MFSD11: variants seen among roughly 807,000 people sequenced by gnomAD.
The protein encoded by MFSD11 is major facilitator superfamily domain containing 11.
MFSD11 carries 36 observed loss-of-function variants against 53.5 expected under a neutral mutation model. The ratio of observed to expected loss-of-function variants is 0.67; its 90% CI spans 0.52 to 0.89. The LOEUF is 0.89. MFSD11 is among the 40% of genes least tolerant of loss of function. The probability of loss-of-function intolerance (pLI) is 0.00; values close to 1 mark genes in which losing one functional copy is unlikely to be tolerated. For missense variants in MFSD11, 530 were observed against 543.9 expected (o/e 0.97, Z 0.25); for synonymous variants, 186 against 184.9 (o/e 1.01, Z -0.05).
chr17:76,801,863 T>C, the MFSD11 span, among the ~76,000 whole-genome samples: 1 of 152,136 alleles, frequency 6.6e-6, no homozygotes, highest in Non-Finnish European at 1.5e-5. Flanking sequence ...CCTGCTGACC[T>C]CCTGTCTCAT....
intron 11 of MFSD11, among the ~76,000 whole-genome samples, chr17:76,775,415 C>T (rs566161761): frequency 3.3e-5 from 5 of 152,222 alleles, no homozygotes; most frequent in African/African-American, 1.2e-4. Context: ...CTTGAAGGAG[C>T]ACGTAAGTAT....
intron 1 of MFSD11, 111 bp from the exon 2 acceptor site, chr17:76,738,827 A>T: frequency 1.2e-6 from 1 of 806,974 alleles, no homozygotes; most frequent in Non-Finnish European, 2.1e-6. Flanking sequence ...AGTATTAAGT[A>T]CATTATGAAC....
At chr17:76,790,727 G>A in the MFSD11 span, among the ~76,000 whole-genome samples, 1 of 147,556 alleles carries the variant, frequency 6.8e-6, no homozygotes, top group Non-Finnish European at 1.5e-5. Context: ...GGATCACGAG[G>A]TCAAGAGGTC....
chr17:76,782,376 T>C (rs1053626949), downstream of MFSD11, among the ~76,000 whole-genome samples: 1 of 151,798 alleles, frequency 6.6e-6, no homozygotes, highest in Non-Finnish European at 1.5e-5. Context: ...GGTTTCCTCA[T>C]GTTGGTCAGG....
chr17:76,792,621 G>A, the MFSD11 span, among the ~76,000 whole-genome samples: 14 of 151,360 alleles, frequency 9.2e-5, no homozygotes, highest in Non-Finnish European at 1.9e-4. Flanking sequence ...TCCATGTCCT[G>A]ATTGCTGGAA....
At chr17:76,780,026 A>G (rs978437892), downstream of MFSD11, among the ~76,000 whole-genome samples, 2 of 152,144 alleles carry the variant, frequency 1.3e-5, no homozygotes, top group Non-Finnish European at 2.9e-5. Flanking sequence ...GAACATAACT[A>G]TTTGGGGAGA....
At chr17:76,793,084 G>A in the MFSD11 span, among the ~76,000 whole-genome samples, 2 of 151,584 alleles carry the variant, frequency 1.3e-5, no homozygotes, top group East Asian at 1.9e-4. Flanking sequence ...CAGGATGGGC[G>A]AAATTAAAAT....
chr17:76,754,114 A>C, intron 8 of MFSD11, 27 bp downstream of exon 8: 1 of 1,569,432 alleles, frequency 6.4e-7, no homozygotes, highest in Admixed American at 1.8e-5. Context: ...TCTGAAATGC[A>C]AGAACTGTTC....
chr17:76,803,562 C>G, the MFSD11 span, among the ~76,000 whole-genome samples: 1 of 152,184 alleles, frequency 6.6e-6, no homozygotes, highest in African/African-American at 2.4e-5. Context: ...CTCGATGGAT[C>G]ATCTGGCACC....
At chr17:76,758,026 A>G (rs2079824909) in intron 8 of MFSD11, among the ~76,000 whole-genome samples, 1 of 152,088 alleles carries the variant, frequency 6.6e-6, no homozygotes, top group Admixed American at 6.6e-5. Context: ...AAAACAAAAA[A>G]TGTTCTCAAA....
At chr17:76,751,511 T>C (rs1192990885) in intron 7 of MFSD11, among the ~76,000 whole-genome samples, 2 of 151,740 alleles carry the variant, frequency 1.3e-5, no homozygotes, top group African/African-American at 4.8e-5. Context: ...GGCAACCTTG[T>C]GGAATACTGT....
chr17:76,788,933 G>A, the MFSD11 span, among the ~76,000 whole-genome samples: 3 of 149,270 alleles, frequency 2.0e-5, no homozygotes, highest in Non-Finnish European at 4.5e-5. Context: ...CCTGAGGTCA[G>A]AAGTTCGAGA....
At chr17:76,737,062 G>A (rs1031504488), upstream of MFSD11, 4 of 1,613,216 alleles carry the variant, frequency 2.5e-6, no homozygotes, top group Middle Eastern at 1.6e-4. Context: ...ACTTCTCGAA[G>A]ACGCGCCTCA....
At chr17:76,770,597 A>C (rs1354122331) in intron 10 of MFSD11, among the ~76,000 whole-genome samples, 1 of 152,204 alleles carries the variant, frequency 6.6e-6, no homozygotes, top group Admixed American at 6.5e-5. Flanking sequence ...ACAGACAGAC[A>C]GTCTGGGTCC....
intron 10 of MFSD11, among the ~76,000 whole-genome samples, chr17:76,771,346 T>C (rs996985561): frequency 6.6e-6 from 1 of 152,238 alleles, no homozygotes. Context: ...AGACCAAATA[T>C]GTATTTTTAT....
chr17:76,744,319 T>A lies in MFSD11; in HGVS notation c.497-3T>A, dbSNP rs1354169684. 3 of 1,609,074 alleles carry A rather than the reference T, an allele frequency of 1.9e-6. No homozygotes were observed. Among genetic ancestry groups the A allele is most frequent in the African/African-American group, 1.3e-5 (1 of 74,572 alleles). ...TATCTTGTTTCTTCTTTTTTCTCCG[T>A]AGAGAGTGACCGAAGAACAGTGTTT... On this transcript the variant is annotated splice_region_variant and splice_polypyrimidine_tract_variant and intron_variant, in intron 6 of 12. Coordinates refer to ENST00000685175, the MANE Select transcript of MFSD11 (RefSeq NM_001242532.5).
Position 76,769,726 on chromosome 17 carries a change from T to C in MFSD11, c.749-20T>C, listed in dbSNP as rs540535586. On this transcript the variant is annotated intron_variant, in intron 9 of 12. Transcript: ENST00000685175. ...AATGTGAATATATAAATGACATCTG[T>C]TTTTTTTCTTTAACTAAAGGTCTGG... 1 of 1,563,040 alleles carries C rather than the reference T, an allele frequency of 6.4e-7. No homozygotes were observed. The highest frequency in any genetic ancestry group is 8.7e-7 in the Non-Finnish European group (1 of 1,154,896).
At chr17:76,738,589 A>T in intron 1 of MFSD11, 141 bp downstream of exon 1, 1 of 649,634 alleles carries the variant, frequency 1.5e-6, no homozygotes, top group Non-Finnish European at 2.7e-6. Context: ...ATTTTTTATG[A>T]TTAGGTTTGA....
chr17:76,800,004 G>A, the MFSD11 span, among the ~76,000 whole-genome samples: 1 of 139,192 alleles, frequency 7.2e-6, no homozygotes, highest in Non-Finnish European at 1.5e-5. Flanking sequence ...TGCCCAGGCT[G>A]AAGAACTGTG....
Sources: gnomAD v4.1 joint callset for allele counts (sites outside exome capture counted in the v4.1 genomes callset) on GRCh38, gnomAD v4.1.1 for gene constraint, MANE v1.5 for transcripts, NCBI Gene and HGNC (gene_info 2026-07-23, HGNC 2026-07-21) for gene names.